PDE4D: variants seen among roughly 807,000 people sequenced by gnomAD.
PDE4D encodes 3',5'-cyclic-AMP phosphodiesterase 4D.
PDE4D carries 24 observed loss-of-function variants against 87.4 expected under a neutral mutation model. That is an observed-to-expected ratio of 0.27 (90% confidence interval 0.20 to 0.39). PDE4D has a LOEUF of 0.39. Ranked by LOEUF, PDE4D falls within the 10% of genes least tolerant of loss-of-function variation. The probability of loss-of-function intolerance (pLI) is 1.00; values close to 1 mark genes in which losing one functional copy is unlikely to be tolerated. For missense variants in PDE4D, 714 were observed against 1,041.0 expected, an observed-to-expected ratio of 0.69 and a Z score of 4.32; for synonymous variants, 384 against 383.2, an observed-to-expected ratio of 1.00 and a Z score of -0.02.
chr5:59,152,338 G>A (rs1050538593), intron 5 of PDE4D, among the ~76,000 whole-genome samples: 5 of 132,456 alleles, frequency 3.8e-5, no homozygotes, highest in African/African-American at 6.1e-5. Flanking sequence ...TGGAAGGATG[G>A]AAAAGAAATG....
intron 5 of PDE4D, among the ~76,000 whole-genome samples, chr5:59,090,510 C>T (rs1449674383): frequency 6.6e-6 from 1 of 152,124 alleles, no homozygotes; most frequent in Admixed American, 6.5e-5. Context: ...GGCTGTAAAG[C>T]TCTTTGCACT....
At chr5:59,812,750 C>T (rs140250200) in intron 1 of PDE4D, among the ~76,000 whole-genome samples, 1 of 152,232 alleles carries the variant, frequency 6.6e-6, no homozygotes, top group African/African-American at 2.4e-5. Flanking sequence ...TATAAGAAAG[C>T]CATTCCTACA....
At chr5:58,976,312 G>GACAC (rs151199228) in intron 13 of PDE4D, 38 bp downstream of exon 13, 14 of 1,563,558 alleles carry the variant, frequency 9.0e-6, no homozygotes, top group Non-Finnish European at 1.1e-5. Flanking sequence ...CATGTGCACA[G>GACAC]ACACACACAC....
At chr5:60,357,023 T>C (rs1053399974) in intron 1 of PDE4D, among the ~76,000 whole-genome samples, 2 of 151,766 alleles carry the variant, frequency 1.3e-5, no homozygotes, top group African/African-American at 4.8e-5. Context: ...AGGGAAAAAA[T>C]GAGCTTGATA....
At chr5:59,292,373 A>G (rs773623408) in intron 1 of PDE4D, among the ~76,000 whole-genome samples, 6 of 152,188 alleles carry the variant, frequency 3.9e-5, no homozygotes, top group Non-Finnish European at 7.4e-5. Flanking sequence ...TTAAGCAAAG[A>G]TGTTTTAATA....
chr5:60,231,966 G>A (rs1325169889), intron 1 of PDE4D, among the ~76,000 whole-genome samples: 2 of 151,866 alleles, frequency 1.3e-5, no homozygotes, highest in African/African-American at 4.8e-5. Flanking sequence ...TAGTATAGAG[G>A]GAGGGGGACC....
Position 59,376,653 on chromosome 5 carries a change from C to G in PDE4D, c.456-160685G>C, listed in dbSNP as rs244584. On this transcript the variant is annotated intron_variant, in intron 1 of 14. Coordinates refer to ENST00000340635, the MANE Select transcript of PDE4D (RefSeq NM_001104631.2). ...CAGTGCTATTTTTAATAAATTACCA[C>G]TGAGATTCTTCACAGAACTAGAAAA... Among the ~76,000 whole-genome samples, 5 of 152,166 alleles carry G rather than the reference C, an allele frequency of 3.3e-5. No homozygotes were observed. In the South Asian group the frequency reaches 1.0e-3, roughly 32 times the overall value.
chr5:60,345,665 A>ATTTT (rs1758695637), intron 1 of PDE4D, among the ~76,000 whole-genome samples: 4 of 152,002 alleles, frequency 2.6e-5, no homozygotes, highest in Non-Finnish European at 4.4e-5. Flanking sequence ...AACTATAGCA[A>ATTTT]ATGAACCTGC....
chr5:59,008,463 G>C (rs1752097651), intron 6 of PDE4D, among the ~76,000 whole-genome samples: 1 of 151,912 alleles, frequency 6.6e-6, no homozygotes, highest in Non-Finnish European at 1.5e-5. Context: ...ATAATTTTAA[G>C]TAATAAAATT....
intron 3 of PDE4D, among the ~76,000 whole-genome samples, chr5:59,948,296 G>A (rs988951946): frequency 3.7e-4 from 57 of 152,080 alleles, no homozygotes; most frequent in African/African-American, 1.4e-3. Context: ...ATAACAATAA[G>A]CTAAATTATA....
chr5:60,396,122 T>C (rs577920336), intron 1 of PDE4D, among the ~76,000 whole-genome samples: 17 of 152,246 alleles, frequency 1.1e-4, no homozygotes, highest in Non-Finnish European at 2.4e-4. Context: ...GGGGCACTGC[T>C]CTTTTCTGTT....
At chr5:60,243,024 A>G (rs1747307497) in intron 1 of PDE4D, among the ~76,000 whole-genome samples, 2 of 151,980 alleles carry the variant, frequency 1.3e-5, no homozygotes, top group Non-Finnish European at 2.9e-5. Flanking sequence ...AGGAAAATAC[A>G]AAAGATCCAT....
intron 3 of PDE4D, among the ~76,000 whole-genome samples, chr5:59,916,958 T>TC (rs1286416093): frequency 1.5e-4 from 21 of 139,984 alleles, no homozygotes; most frequent in Non-Finnish European, 3.2e-4. Flanking sequence ...CGGCTAATTT[T>TC]TTTTTTTTTT....
At chr5:60,306,588 TTAAG>T (rs1386655503) in intron 1 of PDE4D, among the ~76,000 whole-genome samples, 2 of 151,934 alleles carry the variant, frequency 1.3e-5, no homozygotes, top group Non-Finnish European at 2.9e-5. Flanking sequence ...AAAACGGCAA[TTAAG>T]TAAGTAGAAC....
At chr5:59,659,718 C>G (rs1431021205) in intron 1 of PDE4D, among the ~76,000 whole-genome samples, 2 of 152,182 alleles carry the variant, frequency 1.3e-5, no homozygotes, top group African/African-American at 4.8e-5. Context: ...ACTCATCTAT[C>G]ATAATGTTCC....
chr5:59,445,005 T>C (rs1798150877), intron 1 of PDE4D, among the ~76,000 whole-genome samples: 1 of 152,158 alleles, frequency 6.6e-6, no homozygotes, highest in Non-Finnish European at 1.5e-5. Flanking sequence ...TAGGAAAAAG[T>C]AAATCTGCTA....
chr5:59,852,632 T>G (rs1744849597), intron 1 of PDE4D, among the ~76,000 whole-genome samples: 2 of 152,076 alleles, frequency 1.3e-5, no homozygotes, highest in Admixed American at 1.3e-4. Context: ...CAGCTAAGTT[T>G]CTCTTAAATT....
At chr5:58,994,700 T>C (rs2153346241) in intron 6 of PDE4D, among the ~76,000 whole-genome samples, 1 of 152,324 alleles carries the variant, frequency 6.6e-6, no homozygotes, top group Middle Eastern at 3.4e-3. Flanking sequence ...CCTAACTCTA[T>C]ACCGTTTGCT....
Position 59,105,961 on chromosome 5 carries a change from G to A in PDE4D, c.809-66990C>T, listed in dbSNP as rs186058895. Among the ~76,000 whole-genome samples the A allele has an allele frequency of 2.7e-3, 408 of 152,310 alleles. 3 individuals carry two copies. The highest frequency in any genetic ancestry group is 3.6e-3 in the Non-Finnish European group (248 of 68,014). On this transcript the variant is annotated intron_variant, in intron 5 of 14. Coordinates refer to ENST00000340635, the MANE Select transcript of PDE4D (RefSeq NM_001104631.2). ...AGATGAAAGACAGATGGAAGTGTTC[G>A]TGTAAGTGTCCAGTTGCTCCAGAAG...
Sources: allele counts gnomAD v4.1 joint callset (sites outside exome capture counted in the v4.1 genomes callset), GRCh38; gene constraint gnomAD v4.1.1; transcripts MANE v1.5; gene names NCBI Gene and HGNC (gene_info 2026-07-23, HGNC 2026-07-21).